INPP5A: variants seen among roughly 807,000 people sequenced by gnomAD.
INPP5A encodes the protein 43 kDa inositol polyphosphate 5-phophatase.
In INPP5A, 14 loss-of-function variants were observed where a neutral mutation model predicts 65.2. The observed-to-expected ratio is 0.21, with a 90% CI of 0.14 to 0.34. The LOEUF (loss-of-function observed/expected upper bound fraction) is 0.34, where lower values mean the gene tolerates loss of function less well. Among genes scored for constraint, INPP5A ranks in the 10% least tolerant of loss-of-function variants. INPP5A has a pLI of 1.00. For synonymous variants in INPP5A, 207 were observed against 208.3 expected (o/e 0.99, Z 0.05); for missense variants, 431 against 545.6 (o/e 0.79, Z 2.09).
intron 9 of INPP5A, among the ~76,000 whole-genome samples, chr10:132,738,069 G>A (rs946716295): frequency 2.6e-5 from 4 of 152,162 alleles, no homozygotes; most frequent in Non-Finnish European, 5.9e-5. Context: ...CTCTGTTCGA[G>A]GAACTGTTTT....
At position 132,744,438 on chromosome 10, in the gene INPP5A, G is replaced by A. The variant is rs185606533; in HGVS notation, c.733-5079G>A. On this transcript the variant is annotated intron_variant, in intron 9 of 15. Coordinates refer to ENST00000368594, the MANE Select transcript of INPP5A (RefSeq NM_005539.5). ...GAGGGTGGGACACTGCGGCTCCACC[G>A]GTCCCTGTGTCTATGGAATCGGTGT... Among the ~76,000 whole-genome samples the A allele has an allele frequency of 6.6e-5, 10 of 152,292 alleles. No homozygotes were observed. The East Asian group carries it at 9.7e-4, about 15-fold the overall frequency.
rs573755248 is a variant in INPP5A, at chr10:132,675,185, G to A, written c.307-15207G>A. 1.9e-4 allele frequency among the ~76,000 whole-genome samples: 29 copies of A among 152,344 alleles called. No individual in the cohort carries two copies. The highest frequency in any genetic ancestry group is 3.8e-4 in the Non-Finnish European group (26 of 68,038). On this transcript the variant is annotated intron_variant, in intron 4 of 15. Coordinates refer to ENST00000368594, the MANE Select transcript of INPP5A (RefSeq NM_005539.5). This position sits in a 1 kb window ranked among gnomAD's most constrained non-coding sequence, Gnocchi z 4.2. ...AGAAAACCATAGAGAGCATAGGGGT[G>A]TGCCGCAGTCACACTGACAGGCCAC...
At chr10:132,717,942 G>C (rs1425458104) in intron 8 of INPP5A, among the ~76,000 whole-genome samples, 1 of 137,428 alleles carries the variant, frequency 7.3e-6, no homozygotes, top group Non-Finnish European at 1.5e-5. Flanking sequence ...TTAGACGGCT[G>C]TCTTGCGGGT....
In INPP5A at chr10:132,781,875, C is replaced by T. The variant is rs1847168803; in HGVS notation, c.1173C>T (p.Ala391=). 1 of 1,613,692 alleles carries T rather than the reference C, an allele frequency of 6.2e-7. No individual in the cohort carries two copies. Among genetic ancestry groups the T allele is most frequent in the Non-Finnish European group, 8.5e-7 (1 of 1,179,984 alleles). Residue 391 remains alanine, a synonymous_variant, in exon 15 of 16, where the codon GCC becomes GCT. Coordinates refer to ENST00000368594, the MANE Select transcript of INPP5A (RefSeq NM_005539.5). ...CMGDHKPVFL[A]FRIMPGAGKP... ...TCCTGCTGCAGCCCGTGTTCCTGGC[C>T]TTCCGAATCATGCCCGGGGCAGGTA...
rs2072554434 is a variant in INPP5A at position 132,650,160 on chromosome 10, T to C, written c.219-258T>C. On this transcript the variant is annotated intron_variant, in intron 3 of 15. Transcript: ENST00000368594. The surrounding 1 kb of genome is among the most constrained non-coding windows in gnomAD (Gnocchi z 5.5). ...GTTCTCAATGTCTCCATCCCTGGGA[T>C]GCCTCAGACCCCGGCATCTCACAGG... 6.6e-6 allele frequency among the ~76,000 whole-genome samples: 1 copy of C among 152,188 alleles called. No homozygotes were observed. The highest frequency in any genetic ancestry group is 2.1e-4 in the South Asian group (1 of 4,830).
At chr10:132,711,561 C>G (rs997703944) in intron 8 of INPP5A, among the ~76,000 whole-genome samples, 2 of 152,164 alleles carry the variant, frequency 1.3e-5, no homozygotes, top group African/African-American at 4.8e-5. Flanking sequence ...CCTAGAGGGC[C>G]CCTGACCTGA....
At chr10:132,690,359 G>A (rs760410091) in intron 4 of INPP5A, 33 bp from the exon 5 acceptor site, 2 of 1,350,626 alleles carry the variant, frequency 1.5e-6, no homozygotes, top group Non-Finnish European at 2.1e-6. Context: ...CCCAGCACCA[G>A]TCTCTCATTT....
chr10:132,752,428 GCGTGTGATGTGGAGGGGGC>G, intron 11 of INPP5A, among the ~76,000 whole-genome samples: 1 of 149,798 alleles, frequency 6.7e-6, no homozygotes, highest in South Asian at 2.1e-4. Flanking sequence ...GCATGGAGGG[GCGTGTGATGTGGAGGGGGC>G]TGTGGCGTGG....
chr10:132,599,633 T>C (rs1040279831), intron 1 of INPP5A, among the ~76,000 whole-genome samples: 1 of 152,198 alleles, frequency 6.6e-6, no homozygotes, highest in Non-Finnish European at 1.5e-5. Flanking sequence ...ATTGCCCCAA[T>C]AGAGACTCTG....
intron 1 of INPP5A, among the ~76,000 whole-genome samples, chr10:132,593,734 T>C (rs1254771135): frequency 1.4e-5 from 2 of 142,734 alleles, no homozygotes; most frequent in East Asian, 4.9e-4. Flanking sequence ...TTATTTGTGA[T>C]TTTCTACAAT....
rs12267364 is a variant in INPP5A at position 132,741,422 on chromosome 10, C to T, written c.733-8095C>T. 0.079 allele frequency among the ~76,000 whole-genome samples: 12,005 copies of T among 152,240 alleles called. 574 individuals are homozygous for T. Among genetic ancestry groups the T allele is most frequent in the Admixed American group, 0.17 (2,660 of 15,290 alleles). On this transcript the variant is annotated intron_variant, in intron 9 of 15. Transcript: ENST00000368594. This position sits in a 1 kb window ranked among gnomAD's most constrained non-coding sequence, Gnocchi z 4.4. ...GCAGGTTCACACCACGGGAACTTCTCGGCATCTGTGCCAGGAAAGTTAGAG... is the reference window on the plus strand; with the variant it reads ...GCAGGTTCACACCACGGGAACTTCTTGGCATCTGTGCCAGGAAAGTTAGAG...
intron 2 of INPP5A, among the ~76,000 whole-genome samples, chr10:132,638,836 G>A (rs1404162056): frequency 6.6e-6 from 1 of 152,142 alleles, no homozygotes; most frequent in Admixed American, 6.5e-5. Flanking sequence ...CCAAATTGCT[G>A]GGATTAGAGG....
chr10:132,684,723 G>A (rs1022422841), intron 4 of INPP5A, among the ~76,000 whole-genome samples: 3 of 152,232 alleles, frequency 2.0e-5, no homozygotes, highest in African/African-American at 2.4e-5. Flanking sequence ...TAATGAGGAC[G>A]GAACGTCAGG....
chr10:132,687,346 G>T (rs1001883135), intron 4 of INPP5A, among the ~76,000 whole-genome samples: 1 of 152,250 alleles, frequency 6.6e-6, no homozygotes, highest in African/African-American at 2.4e-5. Context: ...CAGTCGAGCA[G>T]TGTCCATGTC....
At chr10:132,693,965 A>C (rs142757732) in intron 5 of INPP5A, among the ~76,000 whole-genome samples, 38 of 152,338 alleles carry the variant, frequency 2.5e-4, no homozygotes, top group African/African-American at 8.2e-4. Context: ...AGGAATGAAC[A>C]GATCTGGCAA....
chr10:132,759,076 A>T (rs2134662315), intron 11 of INPP5A, among the ~76,000 whole-genome samples: 1 of 152,316 alleles, frequency 6.6e-6, no homozygotes, highest in South Asian at 2.1e-4. Context: ...CGGAGTTCTG[A>T]TTTCCAGAGC....
chr10:132,719,105 A>G lies in INPP5A; in HGVS notation c.648-7716A>G, dbSNP rs541304119. ...TGTGGTACCTGGGTTCTGTCTGGGC[A>G]CCTTAGACGACTGTCTTCAGGGTTC... is the stretch of plus-strand genomic sequence containing the variant. On this transcript the variant is annotated intron_variant, in intron 8 of 15. Coordinates refer to ENST00000368594, the MANE Select transcript of INPP5A (RefSeq NM_005539.5). 1.2e-3 allele frequency among the ~76,000 whole-genome samples: 128 copies of G among 109,908 alleles called. 2 individuals carry two copies. The East Asian group carries it at 0.014, about 12-fold the overall frequency. 72.1% of individuals were successfully genotyped at this position (109,908 alleles called of 152,430 possible).
intron 4 of INPP5A, among the ~76,000 whole-genome samples, chr10:132,683,366 G>A (rs1383315876): frequency 6.6e-6 from 1 of 152,110 alleles, no homozygotes; most frequent in African/African-American, 2.4e-5. Context: ...ATATACATAT[G>A]CACACACGTT....
chr10:132,662,702 C>T (rs1306830221), intron 4 of INPP5A, among the ~76,000 whole-genome samples: 2 of 152,170 alleles, frequency 1.3e-5, no homozygotes, highest in African/African-American at 2.4e-5. Flanking sequence ...GGATGCTGGA[C>T]GGAAGGCAGC....
Sources: gnomAD v4.1 joint callset for allele counts (sites outside exome capture counted in the v4.1 genomes callset) on GRCh38, gnomAD v4.1.1 for gene constraint, Gnocchi (gnomAD v3.1) non-coding constraint, MANE v1.5 for transcripts, NCBI Gene and HGNC (gene_info 2026-07-23, HGNC 2026-07-21) for gene names.